The following FGF12 variants were observed in gnomAD, a reference collection of about 807,000 sequenced individuals.
FGF12 encodes fibroblast growth factor 12, also known as fibroblast growth factor 12B.
Under a neutral mutation model 23.6 loss-of-function variants are expected in FGF12, and 14 were observed. The observed-to-expected ratio is 0.59, with a 90% confidence interval of 0.39 to 0.93. The LOEUF is 0.93. Among genes scored for constraint, FGF12 ranks in the 40% least tolerant of loss-of-function variants. The probability of loss-of-function intolerance (pLI) is 0.00; values close to 1 mark genes in which losing one functional copy is unlikely to be tolerated. For synonymous variants in FGF12, 62 were observed against 77.3 expected, an observed-to-expected ratio of 0.80 and a Z score of 1.04; for missense variants, 175 against 217.8, an observed-to-expected ratio of 0.80 and a Z score of 1.24.
At chr3:192,576,660 A>G (rs1328262475) in intron 2 of FGF12, among the ~76,000 whole-genome samples, 1 of 152,214 alleles carries the variant, frequency 6.6e-6, no homozygotes, top group East Asian at 1.9e-4. Context: ...TGGAAAAAAA[A>G]TGCTCATATT....
intron 2 of FGF12, among the ~76,000 whole-genome samples, chr3:192,481,603 GT>G (rs781187977): frequency 2.6e-5 from 4 of 152,334 alleles, no homozygotes; most frequent in Middle Eastern, 3.4e-3. Context: ...AGTAGTGTAA[GT>G]TTGCTTCAGG....
At chr3:192,656,600 C>G (rs1368962390) in intron 2 of FGF12, among the ~76,000 whole-genome samples, 2 of 152,100 alleles carry the variant, frequency 1.3e-5, no homozygotes, top group African/African-American at 4.8e-5. Flanking sequence ...GTTAACCAAC[C>G]ATCCTGCAAT....
chr3:192,386,829 A>G (rs961484695), intron 2 of FGF12, among the ~76,000 whole-genome samples: 9 of 152,220 alleles, frequency 5.9e-5, no homozygotes, highest in African/African-American at 2.2e-4. Flanking sequence ...CACTGGAATT[A>G]GAGTCAAAAG....
At chr3:192,351,171 G>A (rs1718203098) in intron 3 of FGF12, among the ~76,000 whole-genome samples, 1 of 152,088 alleles carries the variant, frequency 6.6e-6, no homozygotes, top group African/African-American at 2.4e-5. Context: ...AAAAATCATT[G>A]TCATCTTGTA....
chr3:192,199,913 C>A (rs1226717329), intron 4 of FGF12, among the ~76,000 whole-genome samples: 1 of 152,048 alleles, frequency 6.6e-6, no homozygotes, highest in Non-Finnish European at 1.5e-5. Flanking sequence ...TATCAAAGGC[C>A]AATCATATAC....
intron 2 of FGF12, among the ~76,000 whole-genome samples, chr3:192,580,664 G>A (rs1713095025): frequency 6.6e-6 from 1 of 152,166 alleles, no homozygotes; most frequent in Admixed American, 6.5e-5. Context: ...CTGGAGTGCA[G>A]TGGCCCGATC....
chr3:192,637,562 C>A (rs568472298), intron 2 of FGF12, among the ~76,000 whole-genome samples: 3 of 152,142 alleles, frequency 2.0e-5, no homozygotes, highest in Non-Finnish European at 4.4e-5. Context: ...TTAAATGGAC[C>A]ATAGGCTCTG....
At chr3:192,158,433 T>TG (rs1560171707) in intron 5 of FGF12, among the ~76,000 whole-genome samples, 2 of 133,930 alleles carry the variant, frequency 1.5e-5, no homozygotes, top group Non-Finnish European at 3.3e-5. Flanking sequence ...TTTTCTTTTT[T>TG]CTTTCTTTCT....
At chr3:192,392,636 AAGGG>A (rs1199389592) in intron 2 of FGF12, among the ~76,000 whole-genome samples, 2 of 50,124 alleles carry the variant, frequency 4.0e-5, no homozygotes, top group African/African-American at 7.1e-5. Context: ...GAGAGAGAGG[AAGGG>A]AGGGAGGGAG....
intron 2 of FGF12, among the ~76,000 whole-genome samples, chr3:192,440,064 T>C (rs1445461923): frequency 1.3e-5 from 2 of 151,506 alleles, no homozygotes; most frequent in Admixed American, 1.3e-4. Flanking sequence ...GTCCAGGGGC[T>C]GAGTGGAGGT....
chr3:192,181,325 A>T, intron 4 of FGF12, among the ~76,000 whole-genome samples: 1 of 151,864 alleles, frequency 6.6e-6, no homozygotes, highest in East Asian at 1.9e-4. Context: ...TAAAGACAGA[A>T]CCAAAACAGT....
chr3:192,705,011 G>A (rs1032442744), intron 2 of FGF12, among the ~76,000 whole-genome samples: 1 of 152,200 alleles, frequency 6.6e-6, no homozygotes, highest in African/African-American at 2.4e-5. Context: ...TTTGGCTTAA[G>A]GAAATGTTGT....
chr3:192,546,022 G>A (rs1487174225), intron 2 of FGF12, among the ~76,000 whole-genome samples: 1 of 152,186 alleles, frequency 6.6e-6, no homozygotes, highest in Non-Finnish European at 1.5e-5. Context: ...AGAATGAAAT[G>A]TAATTAGCTA....
chr3:192,396,735 G>C (rs957974996), intron 2 of FGF12, among the ~76,000 whole-genome samples: 1 of 152,202 alleles, frequency 6.6e-6, no homozygotes, highest in Admixed American at 6.5e-5. Flanking sequence ...CTTAATCAAG[G>C]TGCCAGTTCA....
intron 2 of FGF12, among the ~76,000 whole-genome samples, chr3:192,606,857 CT>C (rs1293061975): frequency 2.6e-5 from 4 of 152,142 alleles, no homozygotes; most frequent in Non-Finnish European, 5.9e-5. Context: ...AGTCTTCCCC[CT>C]GACTCCCAGG....
intron 2 of FGF12, among the ~76,000 whole-genome samples, chr3:192,618,511 A>G (rs559702176): frequency 6.6e-6 from 1 of 152,298 alleles, no homozygotes; most frequent in Non-Finnish European, 1.5e-5. Flanking sequence ...AGACAAGATG[A>G]GAAGAGTTAG....
chr3:192,230,035 C>T (rs1349526903), intron 4 of FGF12, among the ~76,000 whole-genome samples: 1 of 152,086 alleles, frequency 6.6e-6, no homozygotes, highest in East Asian at 1.9e-4. Context: ...TCTACTTAAG[C>T]TGTGGTCACA....
At chr3:192,309,446 AAACTGGAAGATGGG>A (rs534654623) in intron 4 of FGF12, among the ~76,000 whole-genome samples, 34 of 152,218 alleles carry the variant, frequency 2.2e-4, no homozygotes, top group Non-Finnish European at 4.6e-4. Flanking sequence ...AGTTTGCAGG[AAACTGGAAGATGGG>A]AACTGGAAGA....
rs138477791 is a variant in FGF12, at chr3:192,404,296, A to C, written c.14-43758T>G. Among the ~76,000 whole-genome samples, 43 of 152,300 alleles carry C rather than the reference A, an allele frequency of 2.8e-4. No individual in the cohort carries two copies. In the East Asian group the frequency reaches 8.3e-3, roughly 29 times the overall value. On this transcript the variant is annotated intron_variant, in intron 2 of 5. Coordinates refer to ENST00000445105, the MANE Select transcript of FGF12 (RefSeq NM_004113.6). ...CTTTCCAGAGAGGGTCTCATTTGAAAAATGAAAGAGTAATATTGATGACCT... is the reference window on the plus strand; with the variant it reads ...CTTTCCAGAGAGGGTCTCATTTGAACAATGAAAGAGTAATATTGATGACCT...
Sources: gnomAD v4.1 joint callset for allele counts (sites outside exome capture counted in the v4.1 genomes callset) on GRCh38, gnomAD v4.1.1 for gene constraint, MANE v1.5 for transcripts, NCBI Gene and HGNC (gene_info 2026-07-23, HGNC 2026-07-21) for gene names.